LRBA: variants seen among roughly 807,000 people sequenced by gnomAD.
The protein encoded by LRBA is LPS responsive beige-like anchor protein, also known as lipopolysaccharide-responsive and beige-like anchor protein.
LRBA carries 176 observed loss-of-function variants against 330.0 expected under a neutral mutation model. The ratio of observed to expected loss-of-function variants is 0.53; its 90% CI spans 0.47 to 0.60. The LOEUF (loss-of-function observed/expected upper bound fraction) is 0.60, where lower values mean the gene tolerates loss of function less well. LRBA is among the 20% of genes least tolerant of loss of function. The probability of loss-of-function intolerance (pLI) is 0.00; values close to 1 mark genes in which losing one functional copy is unlikely to be tolerated. For missense variants in LRBA, 3,259 were observed against 3,444.8 expected (o/e 0.95, Z 1.35); for synonymous variants, 1,230 against 1,193.0 (o/e 1.03, Z -0.64).
chr4:150,278,129 G>C, intron 55 of LRBA, 125 bp from the exon 56 acceptor site: 1 of 768,324 alleles, frequency 1.3e-6, no homozygotes, highest in Non-Finnish European at 2.0e-6. Context: ...ATCCTCAGGA[G>C]TTTTTAGAAA....
chr4:150,292,357 G>A (rs138924381), intron 53 of LRBA, among the ~76,000 whole-genome samples: 67 of 152,268 alleles, frequency 4.4e-4, no homozygotes, highest in Middle Eastern at 3.4e-3. Context: ...GTGTTTTGGC[G>A]TCATCTCCTT....
chr4:150,803,079 T>TACACACACACACAC (rs1203657007), intron 33 of LRBA, among the ~76,000 whole-genome samples: 2 of 108,220 alleles, frequency 1.8e-5, no homozygotes, highest in African/African-American at 8.0e-5. Context: ...AAAAAAAATA[T>TACACACACACACAC]ATATACACAC....
intron 11 of LRBA, among the ~76,000 whole-genome samples, chr4:150,907,590 T>C (rs1034794064): frequency 3.3e-5 from 5 of 152,080 alleles, no homozygotes; most frequent in Non-Finnish European, 5.9e-5. Flanking sequence ...AAGTTATGTA[T>C]AAAAGCAAAA....
chr4:150,939,773 G>A (rs556111025), intron 2 of LRBA, among the ~76,000 whole-genome samples: 2 of 152,264 alleles, frequency 1.3e-5, no homozygotes, highest in African/African-American at 4.8e-5. Context: ...AAAGAGGTTT[G>A]CGGAATGGAT....
chr4:150,978,824 A>G lies in LRBA; in HGVS notation c.216+35603T>C, dbSNP rs1037926189. 2.0e-5 allele frequency among the ~76,000 whole-genome samples: 3 copies of G among 152,186 alleles called. 1 individual carries two copies. Among genetic ancestry groups the G allele is most frequent in the Non-Finnish European group, 4.4e-5 (3 of 68,040 alleles). Reference sequence around the variant, plus strand: ...AAGCTTGAAGACAGCCTATTTGAAAATACACACTTAGAGGAGACAAAAACA... The same window carrying G: ...AAGCTTGAAGACAGCCTATTTGAAAGTACACACTTAGAGGAGACAAAAACA... On this transcript the variant is annotated intron_variant, in intron 2 of 56. Transcript: ENST00000651943.
intron 31 of LRBA, among the ~76,000 whole-genome samples, chr4:150,815,957 A>G (rs1350522495): frequency 6.6e-6 from 1 of 152,030 alleles, no homozygotes; most frequent in Non-Finnish European, 1.5e-5. Context: ...TTCTTATAAA[A>G]TGTATTTTTG....
chr4:150,414,885 G>A (rs1166075915), intron 47 of LRBA, among the ~76,000 whole-genome samples: 12 of 152,206 alleles, frequency 7.9e-5, no homozygotes, highest in African/African-American at 2.4e-4. Context: ...TTAGTGTCTC[G>A]AAAATAATAC....
At chr4:150,524,079 T>C (rs1763207503) in intron 40 of LRBA, among the ~76,000 whole-genome samples, 1 of 152,204 alleles carries the variant, frequency 6.6e-6, no homozygotes, top group Admixed American at 6.5e-5. Context: ...AGATGGTTCC[T>C]TTTCAAGGTT....
rs79490753 is a variant in LRBA, at chr4:150,780,181, A to G, written c.5580+17900T>C. 3.5e-3 allele frequency among the ~76,000 whole-genome samples: 528 copies of G among 152,320 alleles called. 1 individual carries two copies. The highest frequency in any genetic ancestry group is 0.012 in the African/African-American group (494 of 41,582). On this transcript the variant is annotated intron_variant, in intron 34 of 56. Transcript: ENST00000651943. The stretch of plus-strand genomic sequence containing the variant: ...TAAACTGGCACTATGTATTCATGGA[A>G]TAAGTTTTTATGGTTAATATGAAAA...
intron 26 of LRBA, among the ~76,000 whole-genome samples, chr4:150,845,141 T>C (rs983245365): frequency 2.0e-5 from 3 of 152,128 alleles, no homozygotes; most frequent in African/African-American, 7.2e-5. Context: ...AAGAAAAGAA[T>C]TGAAAGAAAT....
At chr4:150,754,153 C>G (rs1229802073) in intron 35 of LRBA, among the ~76,000 whole-genome samples, 1 of 143,996 alleles carries the variant, frequency 6.9e-6, no homozygotes, top group Non-Finnish European at 1.5e-5. Flanking sequence ...TATTCAAAAC[C>G]TATTAAAGGA....
intron 17 of LRBA, among the ~76,000 whole-genome samples, chr4:150,887,008 A>G (rs1729007641): frequency 6.6e-6 from 1 of 152,192 alleles, no homozygotes; most frequent in South Asian, 2.1e-4. Context: ...AGAAATAATA[A>G]ATGTTTGAGG....
chr4:150,873,206 A>C (rs1753633313), intron 17 of LRBA, among the ~76,000 whole-genome samples: 1 of 152,234 alleles, frequency 6.6e-6, no homozygotes. Flanking sequence ...ATAATTACAA[A>C]AGTAAAAAGA....
intron 16 of LRBA, among the ~76,000 whole-genome samples, chr4:150,894,308 A>C (rs1729821584): frequency 6.6e-6 from 1 of 152,174 alleles, no homozygotes; most frequent in Non-Finnish European, 1.5e-5. Context: ...GGAAATGATA[A>C]CCGGATCATT....
chr4:150,821,224 G>A (rs985109129), intron 30 of LRBA, among the ~76,000 whole-genome samples: 1 of 152,068 alleles, frequency 6.6e-6, no homozygotes, highest in Non-Finnish European at 1.5e-5. Context: ...AATTATGCAA[G>A]CTGGTTTCCC....
chr4:150,643,225 T>G (rs890327325), intron 37 of LRBA, among the ~76,000 whole-genome samples: 1 of 151,958 alleles, frequency 6.6e-6, no homozygotes, highest in Non-Finnish European at 1.5e-5. Flanking sequence ...TAGAGTTCAT[T>G]TATTTATTCC....
intron 2 of LRBA, among the ~76,000 whole-genome samples, chr4:150,942,149 C>G (rs1261054675): frequency 6.6e-6 from 1 of 152,114 alleles, no homozygotes; most frequent in African/African-American, 2.4e-5. Flanking sequence ...TACTAGAAAT[C>G]AAATCTGCTG....
chr4:150,636,448 G>T (rs1437325347), intron 37 of LRBA, among the ~76,000 whole-genome samples: 1 of 151,878 alleles, frequency 6.6e-6, no homozygotes, highest in East Asian at 1.9e-4. Flanking sequence ...ATCATTCTTT[G>T]AGCACTTCTT....
chr4:150,303,978 A>G (rs749243653), intron 52 of LRBA, among the ~76,000 whole-genome samples: 2 of 152,248 alleles, frequency 1.3e-5, no homozygotes, highest in Non-Finnish European at 2.9e-5. Context: ...TTCCATCTTT[A>G]GAATTTCTAG....
Sources: gnomAD v4.1 joint callset for allele counts (sites outside exome capture counted in the v4.1 genomes callset) on GRCh38, gnomAD v4.1.1 for gene constraint, MANE v1.5 for transcripts, NCBI Gene and HGNC (gene_info 2026-07-23, HGNC 2026-07-21) for gene names.